NFIB: variants seen among roughly 807,000 people sequenced by gnomAD.
NFIB encodes the protein nuclear factor I B, also known as nuclear factor 1 B-type.
In NFIB, 11 loss-of-function variants were observed where a neutral mutation model predicts 61.5. The ratio of observed to expected loss-of-function variants is 0.18; its 90% CI spans 0.11 to 0.30. The LOEUF (loss-of-function observed/expected upper bound fraction) is 0.30, where lower values mean the gene tolerates loss of function less well. Ranked by LOEUF, NFIB falls within the 10% of genes least tolerant of loss-of-function variation. NFIB has a pLI of 1.00. For synonymous variants in NFIB, 260 were observed against 216.5 expected (o/e 1.20, Z -1.76); for missense variants, 471 against 608.9 (o/e 0.77, Z 2.38).
chr9:14,106,291 C>T (rs1250516933), intron 10 of NFIB, among the ~76,000 whole-genome samples: 1 of 152,100 alleles, frequency 6.6e-6, no homozygotes, highest in East Asian at 1.9e-4. Flanking sequence ...AAAATGCACA[C>T]TCATATAAAT....
intron 1 of NFIB, among the ~76,000 whole-genome samples, chr9:14,354,780 C>CTGTGTG (rs67877825): frequency 0.029 from 4,294 of 145,824 alleles, 66 homozygotes; most frequent in African/African-American, 0.047. Context: ...AATGGGTACT[C>CTGTGTG]TGTGTGTGTG....
At chr9:14,323,935 C>T (rs1450907440) in intron 1 of NFIB, among the ~76,000 whole-genome samples, 2 of 152,080 alleles carry the variant, frequency 1.3e-5, no homozygotes, top group Non-Finnish European at 2.9e-5. Context: ...GGGATTGGCC[C>T]AATTAGACTT....
the NFIB span, among the ~76,000 whole-genome samples, chr9:14,423,617 C>T: frequency 5.3e-5 from 8 of 152,298 alleles, no homozygotes; most frequent in South Asian, 1.7e-3. Context: ...CATCATTGTC[C>T]TCCCTAAAAA....
chr9:14,311,055 T>C (rs1270918776), intron 1 of NFIB, among the ~76,000 whole-genome samples: 2 of 152,174 alleles, frequency 1.3e-5, no homozygotes, highest in Non-Finnish European at 2.9e-5. Flanking sequence ...TTACATTATT[T>C]TTAAACATAT....
At chr9:14,515,439 T>C in the NFIB span, among the ~76,000 whole-genome samples, 1 of 152,172 alleles carries the variant, frequency 6.6e-6, no homozygotes, top group Non-Finnish European at 1.5e-5. Context: ...GAGCCATTAA[T>C]CAACTTTTCC....
At chr9:14,496,427 AATTTCAGATTTTGGAGCATTTTGG>A in the NFIB span, among the ~76,000 whole-genome samples, 2 of 152,112 alleles carry the variant, frequency 1.3e-5, no homozygotes, top group East Asian at 1.9e-4. Flanking sequence ...GGTGCTTGAA[AATTTCAGATTTTGGAGCATTTTGG>A]ATTTCAGATT....
intron 2 of NFIB, among the ~76,000 whole-genome samples, chr9:14,256,342 A>G (rs2056217934): frequency 6.6e-6 from 1 of 152,150 alleles, no homozygotes. Flanking sequence ...TTAATTATAT[A>G]CCCATTCTGC....
the NFIB span, among the ~76,000 whole-genome samples, chr9:14,484,776 T>A: frequency 6.6e-6 from 1 of 152,214 alleles, no homozygotes; most frequent in African/African-American, 2.4e-5. Context: ...ATGAGACAGA[T>A]TAAGTCTTGG....
exon 1 of NFIB, chr9:14,398,794 A>T (rs2061713736): frequency 3.6e-6 from 2 of 557,656 alleles, no homozygotes; most frequent in South Asian, 4.8e-5. Flanking sequence ...ATGGATCTTT[A>T]TGGAGCAGAG....
At chr9:14,187,015 G>GTGTGTGTA (rs2047416129) in intron 2 of NFIB, among the ~76,000 whole-genome samples, 1 of 53,778 alleles carries the variant, frequency 1.9e-5, no homozygotes. Context: ...CTGTGTGTGT[G>GTGTGTGTA]TGTGTGTGTG....
intron 2 of NFIB, among the ~76,000 whole-genome samples, chr9:14,222,021 A>G (rs768319800): frequency 2.6e-4 from 40 of 152,304 alleles, no homozygotes; most frequent in Non-Finnish European, 5.1e-4. Context: ...CAAAGGAAGC[A>G]AATCTTGGCT....
intron 2 of NFIB, among the ~76,000 whole-genome samples, chr9:14,266,151 C>T (rs549684055): frequency 6.6e-6 from 1 of 152,172 alleles, no homozygotes; most frequent in African/African-American, 2.4e-5. Context: ...AGAAGCAATC[C>T]CTTCCTTGAC....
chr9:14,124,900 T>C (rs1035546352), intron 7 of NFIB, among the ~76,000 whole-genome samples: 17 of 152,220 alleles, frequency 1.1e-4, no homozygotes, highest in Non-Finnish European at 2.4e-4. Context: ...CTCATATAGA[T>C]AAATATTGAT....
chr9:14,358,659 C>T (rs1017267894), intron 1 of NFIB, among the ~76,000 whole-genome samples: 30 of 152,180 alleles, frequency 2.0e-4, no homozygotes, highest in East Asian at 1.3e-3. Flanking sequence ...AAAGAAACCA[C>T]ACACCCTATT....
intron 2 of NFIB, among the ~76,000 whole-genome samples, chr9:14,182,708 CTGTGTGTGTGTGTGTGTGTG>C (rs59897559): frequency 4.7e-4 from 46 of 97,000 alleles, no homozygotes; most frequent in African/African-American, 1.8e-3. Context: ...CTCTCTCTCT[CTGTGTGTGTGTGTGTGTGTG>C]TGTGTGTGTG....
At chr9:14,444,580 T>G in the NFIB span, among the ~76,000 whole-genome samples, 1 of 152,162 alleles carries the variant, frequency 6.6e-6, no homozygotes, top group East Asian at 1.9e-4. Context: ...GTTTTCATGA[T>G]TAGATGTTGA....
intron 2 of NFIB, among the ~76,000 whole-genome samples, chr9:14,202,522 A>G (rs1288440874): frequency 6.6e-6 from 1 of 152,236 alleles, no homozygotes; most frequent in African/African-American, 2.4e-5. Flanking sequence ...CAAAAGGAGT[A>G]CTGAGAGAAA....
At chr9:14,088,665 G>GA (rs1013927107) in intron 10 of NFIB, among the ~76,000 whole-genome samples, 9 of 151,282 alleles carry the variant, frequency 5.9e-5, no homozygotes, top group South Asian at 4.2e-4. Context: ...TTTTGTACAG[G>GA]AAAAAAAAGA....
rs2119146735 is a variant in NFIB at position 14,120,165 on chromosome 9, T to A, written c.1245+275A>T. On this transcript the variant is annotated intron_variant, in intron 8 of 10. Coordinates refer to ENST00000380953, the MANE Select transcript of NFIB (RefSeq NM_001190737.2). The surrounding 1 kb of genome is among the most constrained non-coding windows in gnomAD (Gnocchi z 4.4). ...TGAACTCCAGCCCAGAGCTTTCCTG[T>A]CAATGTACTTTCTGCATAAACTTTC... is the stretch of plus-strand genomic sequence containing the variant. Among the ~76,000 whole-genome samples, 1 of 152,322 alleles carries A rather than the reference T, an allele frequency of 6.6e-6. No individual in the cohort carries two copies. The highest frequency in any genetic ancestry group is 2.4e-5 in the African/African-American group (1 of 41,580).
Sources: allele counts gnomAD v4.1 joint callset (sites outside exome capture counted in the v4.1 genomes callset), GRCh38; gene constraint gnomAD v4.1.1; non-coding constraint Gnocchi (gnomAD v3.1); transcripts MANE v1.5; gene names NCBI Gene and HGNC (gene_info 2026-07-23, HGNC 2026-07-21).